KCNU1: variants seen among roughly 807,000 people sequenced by gnomAD.
The protein encoded by KCNU1 is potassium calcium-activated channel subfamily U member 1.
A neutral mutation model predicts 126.8 loss-of-function variants in KCNU1; 93 were observed. The ratio of observed to expected loss-of-function variants is 0.73; its 90% CI spans 0.62 to 0.87. The LOEUF is 0.87. KCNU1 is among the 40% of genes least tolerant of loss of function. The probability of loss-of-function intolerance (pLI) is 0.00; values close to 1 mark genes in which losing one functional copy is unlikely to be tolerated. For synonymous variants in KCNU1, 523 were observed against 494.2 expected, an observed-to-expected ratio of 1.06 and a Z score of -0.77; for missense variants, 1,330 against 1,367.1, an observed-to-expected ratio of 0.97 and a Z score of 0.43.
intron 19 of KCNU1, among the ~76,000 whole-genome samples, chr8:36,895,159 C>A (rs1175100384): frequency 1.3e-5 from 2 of 152,012 alleles, no homozygotes; most frequent in South Asian, 4.1e-4. Flanking sequence ...ACAATCTCAG[C>A]TCACTGCCCC....
At chr8:36,820,851 GCT>G (rs1804097057) in intron 10 of KCNU1, among the ~76,000 whole-genome samples, 2 of 152,118 alleles carry the variant, frequency 1.3e-5, no homozygotes. Flanking sequence ...ACTAACAGAG[GCT>G]CTCAGTCAGG....
chr8:36,864,274 C>T (rs1805824042), intron 18 of KCNU1, 130 bp from the exon 19 acceptor site: 1 of 658,590 alleles, frequency 1.5e-6, no homozygotes, highest in Non-Finnish European at 2.7e-6. Context: ...CCTCTTAGAA[C>T]TAGGCTGTAG....
At chr8:36,833,019 T>C (rs1804611053) in intron 10 of KCNU1, among the ~76,000 whole-genome samples, 1 of 152,124 alleles carries the variant, frequency 6.6e-6, no homozygotes, top group South Asian at 2.1e-4. Flanking sequence ...TCAAAGATCA[T>C]TATATGTAAT....
chr8:36,826,632 T>C (rs1804335459), intron 10 of KCNU1, among the ~76,000 whole-genome samples: 1 of 152,232 alleles, frequency 6.6e-6, no homozygotes, highest in South Asian at 2.1e-4. Context: ...TTTATGTGTT[T>C]AATCTACTTA....
At chr8:36,830,933 A>G (rs1322540545) in intron 10 of KCNU1, among the ~76,000 whole-genome samples, 1 of 112,426 alleles carries the variant, frequency 8.9e-6, no homozygotes, top group Non-Finnish European at 1.7e-5. Context: ...AACAGTCCCC[A>G]GAGTGTGATG....
intron 16 of KCNU1, among the ~76,000 whole-genome samples, chr8:36,844,217 A>T (rs1389993939): frequency 6.6e-6 from 1 of 152,084 alleles, no homozygotes; most frequent in South Asian, 2.1e-4. Flanking sequence ...CGTCTCTACT[A>T]AAAATACAAA....
intron 18 of KCNU1, among the ~76,000 whole-genome samples, chr8:36,861,932 T>C (rs1339309625): frequency 6.6e-6 from 1 of 152,160 alleles, no homozygotes; most frequent in African/African-American, 2.4e-5. Context: ...TGGCCATGTA[T>C]TTAGAAGGAC....
chr8:36,916,067 G>A (rs1563334400), intron 22 of KCNU1, among the ~76,000 whole-genome samples: 1 of 149,144 alleles, frequency 6.7e-6, no homozygotes, highest in South Asian at 2.1e-4. Flanking sequence ...AAGAGGGAAA[G>A]GGACGAGAGA....
chr8:36,851,387 ATCTC>A (rs35502970), intron 18 of KCNU1, among the ~76,000 whole-genome samples: 58 of 119,970 alleles, frequency 4.8e-4, no homozygotes, highest in African/African-American at 1.0e-3. Flanking sequence ...CTCTCTCTCT[ATCTC>A]TCTCTCTCTC....
At chr8:36,801,051 G>A (rs1490995448) in intron 2 of KCNU1, among the ~76,000 whole-genome samples, 1 of 152,146 alleles carries the variant, frequency 6.6e-6, no homozygotes, top group Non-Finnish European at 1.5e-5. Context: ...TAGCCACATG[G>A]GTCATCATAA....
chr8:36,796,074 C>A (rs1472285327), intron 2 of KCNU1, among the ~76,000 whole-genome samples: 16 of 152,142 alleles, frequency 1.1e-4, no homozygotes, highest in Non-Finnish European at 2.4e-4. Context: ...AAGTAATGCT[C>A]TTATTTTTAT....
At chr8:36,820,716 C>T (rs1804091434) in intron 10 of KCNU1, among the ~76,000 whole-genome samples, 1 of 151,498 alleles carries the variant, frequency 6.6e-6, no homozygotes, top group Non-Finnish European at 1.5e-5. Flanking sequence ...GAAGAATGAC[C>T]TCAGAGAGAA....
rs1181626185 is a variant in KCNU1, at chr8:36,922,570, A to C, written c.2677A>C (p.Thr893Pro). The change falls in exon 24 of 27, where the codon ACT becomes CCT. Residue 893 changes from threonine to proline, a missense_variant. Thr to Pro is a conservative substitution (Grantham distance 38). Around this residue, in one of 3 missense-constraint regions of KCNU1, gnomAD observed 1,054 missense variants for 1,053.9 expected, o/e 1.00. Coordinates refer to ENST00000399881, the MANE Select transcript of KCNU1 (RefSeq NM_001031836.3). Reference protein sequence around the residue: ...SLQETNLHLSTAFSTGTVFSG... With the variant: ...SLQETNLHLSPAFSTGTVFSG... Reference sequence around the variant, plus strand: ...CCAAGAAACAAATCTGCATCTCAGCACTGCCTTTTCTACGGGCACTGTTTT... The same window carrying C: ...CCAAGAAACAAATCTGCATCTCAGCCCTGCCTTTTCTACGGGCACTGTTTT... 3 of 1,613,720 alleles carry C rather than the reference A, an allele frequency of 1.9e-6. No homozygotes were observed. The highest frequency in any genetic ancestry group is 3.3e-4 in the Middle Eastern group (2 of 6,058).
chr8:36,859,264 T>G (rs879123972), intron 18 of KCNU1, among the ~76,000 whole-genome samples: 1 of 152,176 alleles, frequency 6.6e-6, no homozygotes, highest in South Asian at 2.1e-4. Flanking sequence ...AAAAAGGGCT[T>G]AGGAACTTAT....
intron 23 of KCNU1, among the ~76,000 whole-genome samples, chr8:36,921,425 G>A (rs1336218282): frequency 6.6e-6 from 1 of 152,008 alleles, no homozygotes; most frequent in African/African-American, 2.4e-5. Flanking sequence ...GAAGATTCTA[G>A]AAACAAACTT....
intron 19 of KCNU1, among the ~76,000 whole-genome samples, chr8:36,899,628 G>C (rs1327902548): frequency 6.6e-6 from 1 of 152,054 alleles, no homozygotes; most frequent in African/African-American, 2.4e-5. Context: ...GAGAGACCAG[G>C]AAGCAGAGAG....
chr8:36,915,491 C>T (rs1420339710), intron 22 of KCNU1, among the ~76,000 whole-genome samples: 1 of 152,182 alleles, frequency 6.6e-6, no homozygotes, highest in African/African-American at 2.4e-5. Context: ...TTACAGTGTC[C>T]ATTGCTTACA....
chr8:36,920,574 T>A (rs1458545561), intron 23 of KCNU1, among the ~76,000 whole-genome samples: 1 of 151,994 alleles, frequency 6.6e-6, no homozygotes, highest in Non-Finnish European at 1.5e-5. Context: ...CTGGAAAGGG[T>A]CATGTTGATG....
chr8:36,887,852 G>C (rs936916425), intron 19 of KCNU1, among the ~76,000 whole-genome samples: 1 of 152,118 alleles, frequency 6.6e-6, no homozygotes, highest in African/African-American at 2.4e-5. Flanking sequence ...AGTTCCATTT[G>C]TAATTTGGTA....
Sources: gnomAD v4.1 joint callset for allele counts (sites outside exome capture counted in the v4.1 genomes callset) on GRCh38, gnomAD v4.1.1 for gene constraint, gnomAD v4.1.1 regional missense constraint, MANE v1.5 for transcripts, NCBI Gene and HGNC (gene_info 2026-07-23, HGNC 2026-07-21) for gene names.